Variants in SPSB1 observed in about 807,000 individuals in gnomAD.
The protein encoded by SPSB1 is splA/ryanodine receptor domain and SOCS box containing 1, also known as SPRY domain-containing SOCS box protein 1.
SPSB1 carries 8 observed loss-of-function variants against 21.2 expected under a neutral mutation model. The observed-to-expected ratio is 0.38, with a 90% confidence interval of 0.22 to 0.68. SPSB1 has a LOEUF of 0.68. Among genes scored for constraint, SPSB1 ranks in the 30% least tolerant of loss-of-function variants. SPSB1 has a pLI of 0.53. For synonymous variants in SPSB1, 169 were observed against 161.7 expected (o/e 1.05, Z -0.34); for missense variants, 242 against 377.8 (o/e 0.64, Z 2.98).
intron 1 of SPSB1, among the ~76,000 whole-genome samples, chr1:9,323,666 C>T (rs1021981382): frequency 1.1e-4 from 16 of 152,166 alleles, no homozygotes; most frequent in African/African-American, 3.9e-4. Context: ...CATGGCTGCC[C>T]GCGCGTCTCC....
In SPSB1 at chr1:9,358,465, T is replaced by C. The variant is rs540708477; in HGVS notation, c.694+1880T>C. Among the ~76,000 whole-genome samples the C allele has an allele frequency of 2.0e-5, 3 of 152,256 alleles. No individual in the cohort carries two copies. In the South Asian group the frequency reaches 6.2e-4, roughly 32 times the overall value. On this transcript the variant is annotated intron_variant, in intron 2 of 2. Transcript: ENST00000328089. Reference sequence around the variant, plus strand: ...CAGCAGAGTGAGTTCTGTGTCTGTCTCCCTAGGTGTCAGAAATGAGTGGCA... The same window carrying C: ...CAGCAGAGTGAGTTCTGTGTCTGTCCCCCTAGGTGTCAGAAATGAGTGGCA...
At chr1:9,326,547 G>A (rs190647275) in intron 1 of SPSB1, among the ~76,000 whole-genome samples, 3 of 152,218 alleles carry the variant, frequency 2.0e-5, no homozygotes, top group South Asian at 2.1e-4. Context: ...GTGGACTGGT[G>A]GGGGAGGGCT....
chr1:9,358,433 A>G (rs1443485978), intron 2 of SPSB1, among the ~76,000 whole-genome samples: 1 of 152,198 alleles, frequency 6.6e-6, no homozygotes, highest in Non-Finnish European at 1.5e-5. Flanking sequence ...CACCTCGGAA[A>G]TGGAACCAGC....
chr1:9,308,944 A>G (rs1314562328), intron 1 of SPSB1, among the ~76,000 whole-genome samples: 2 of 152,040 alleles, frequency 1.3e-5, no homozygotes, highest in African/African-American at 2.4e-5. Context: ...CAGCAGGTGT[A>G]TGCAGGAAAC....
chr1:9,311,130 C>G (rs1234566958), intron 1 of SPSB1, among the ~76,000 whole-genome samples: 1 of 150,928 alleles, frequency 6.6e-6, no homozygotes, highest in Admixed American at 6.6e-5. Flanking sequence ...ACGCCACTCT[C>G]AGGGGTGTCT....
At chr1:9,328,444 T>C (rs1639854699) in intron 1 of SPSB1, among the ~76,000 whole-genome samples, 1 of 152,240 alleles carries the variant, frequency 6.6e-6, no homozygotes, top group Admixed American at 6.5e-5. Flanking sequence ...GGGGATATGA[T>C]GTTTCCTAAC....
At chr1:9,361,882 G>T (rs1345390122) in intron 2 of SPSB1, among the ~76,000 whole-genome samples, 1 of 152,258 alleles carries the variant, frequency 6.6e-6, no homozygotes, top group African/African-American at 2.4e-5. Flanking sequence ...CAGCAGGCTG[G>T]CAGGCTGTCC....
intron 1 of SPSB1, among the ~76,000 whole-genome samples, chr1:9,327,286 T>C (rs993143560): frequency 2.0e-5 from 3 of 152,250 alleles, no homozygotes; most frequent in Non-Finnish European, 1.5e-5. Context: ...TGTTTCATAA[T>C]GTATGTAATC....
Position 9,323,323 on chromosome 1 carries a change from GGCGGGGC to G in SPSB1, c.-150+30255_-150+30261del, listed in dbSNP as rs554378250. 7.2e-3 allele frequency among the ~76,000 whole-genome samples: 1,095 copies of G among 152,358 alleles called. 6 individuals are homozygous for G. The highest frequency in any genetic ancestry group is 9.0e-3 in the Non-Finnish European group (612 of 68,032). On this transcript the variant is annotated intron_variant, in intron 1 of 2. Coordinates refer to ENST00000328089, the MANE Select transcript of SPSB1 (RefSeq NM_025106.4). ...GGCCCCTCTCTGGCCCCAGCCCCTT[GGCGGGGC>G]GCTCAGCAGTGGATGTGCCCTCCAT...
chr1:9,320,265 C>CA (rs1238437644), intron 1 of SPSB1, among the ~76,000 whole-genome samples: 1 of 152,242 alleles, frequency 6.6e-6, no homozygotes, highest in Non-Finnish European at 1.5e-5. Flanking sequence ...TCGACCAAGA[C>CA]AGACTGCAGG....
rs183647992 is a variant in SPSB1, at chr1:9,362,558, G to A, written c.695-4890G>A. 3.3e-5 allele frequency among the ~76,000 whole-genome samples: 5 copies of A among 152,358 alleles called. No individual in the cohort carries two copies. In the East Asian group the frequency reaches 5.8e-4, roughly 18 times the overall value. ...TGACAGCTGTCAGCGAGGACATTGCGGAAGCCGGGGCATTCTCTGATGCGG... is the reference window on the plus strand; with the variant it reads ...TGACAGCTGTCAGCGAGGACATTGCAGAAGCCGGGGCATTCTCTGATGCGG... On this transcript the variant is annotated intron_variant, in intron 2 of 2. Coordinates refer to ENST00000328089, the MANE Select transcript of SPSB1 (RefSeq NM_025106.4).
intron 1 of SPSB1, among the ~76,000 whole-genome samples, chr1:9,301,584 C>T (rs903177150): frequency 2.6e-5 from 4 of 152,234 alleles, no homozygotes; most frequent in African/African-American, 9.7e-5. Context: ...CGAGTGCGCA[C>T]AGGACATGAG....
chr1:9,342,740 A>T (rs1224217157), intron 1 of SPSB1, among the ~76,000 whole-genome samples: 1 of 152,048 alleles, frequency 6.6e-6, no homozygotes, highest in Non-Finnish European at 1.5e-5. Flanking sequence ...CCTCCGGAGA[A>T]ACTCCATCTA....
At chr1:9,352,266 T>A (rs1243943189) in intron 1 of SPSB1, among the ~76,000 whole-genome samples, 1 of 152,152 alleles carries the variant, frequency 6.6e-6, no homozygotes, top group Non-Finnish European at 1.5e-5. Context: ...GGTGAAGCCG[T>A]CCTTTCTGGT....
At chr1:9,325,228 C>T (rs58976108) in intron 1 of SPSB1, among the ~76,000 whole-genome samples, 2 of 24,230 alleles carry the variant, frequency 8.3e-5, no homozygotes, top group African/African-American at 1.2e-4. Context: ...CACCACCACC[C>T]CCCCCCCCCG....
intron 1 of SPSB1, among the ~76,000 whole-genome samples, chr1:9,294,768 G>T (rs773289647): frequency 1.3e-5 from 2 of 152,146 alleles, no homozygotes; most frequent in African/African-American, 2.4e-5. Flanking sequence ...TCATCGTGGG[G>T]TGTGAGGAGA....
intron 1 of SPSB1, among the ~76,000 whole-genome samples, chr1:9,339,990 C>T (rs993230161): frequency 5.3e-5 from 7 of 131,930 alleles, no homozygotes; most frequent in Non-Finnish European, 1.1e-4. Flanking sequence ...GGAGGACCCC[C>T]ACCGACAGCC....
chr1:9,296,608 G>GCA (rs891139086), intron 1 of SPSB1, among the ~76,000 whole-genome samples: 2 of 36,598 alleles, frequency 5.5e-5, no homozygotes, highest in Non-Finnish European at 1.8e-4. Flanking sequence ...ACATACATAT[G>GCA]CACACACATA....
chr1:9,310,099 G>A (rs939577536), intron 1 of SPSB1, among the ~76,000 whole-genome samples: 3 of 150,890 alleles, frequency 2.0e-5, no homozygotes, highest in Non-Finnish European at 4.4e-5. Flanking sequence ...TGCACCTGCC[G>A]TGGGAAGGCC....
Sources: allele counts gnomAD v4.1 joint callset (sites outside exome capture counted in the v4.1 genomes callset), GRCh38; gene constraint gnomAD v4.1.1; transcripts MANE v1.5; gene names NCBI Gene and HGNC (gene_info 2026-07-23, HGNC 2026-07-21).